The following ELOVL2 variants were observed in gnomAD, a reference collection of about 807,000 sequenced individuals.
ELOVL2 encodes ELOVL fatty acid elongase 2, also known as very long chain fatty acid elongase 2.
ELOVL2 carries 38 observed loss-of-function variants against 37.7 expected under a neutral mutation model. That is an observed-to-expected ratio of 1.01 (90% CI 0.78 to 1.32). ELOVL2 has a LOEUF of 1.32. Ranked by LOEUF, ELOVL2 falls within the 40% of genes most tolerant of loss-of-function variation. The pLI, the probability that ELOVL2 is intolerant of heterozygous loss-of-function variation, is 0.00. For missense variants in ELOVL2, 352 were observed against 363.6 expected, an observed-to-expected ratio of 0.97 and a Z score of 0.26; for synonymous variants, 115 against 122.3, an observed-to-expected ratio of 0.94 and a Z score of 0.40.
At chr6:11,016,171 C>A (rs200427011) in intron 1 of ELOVL2, among the ~76,000 whole-genome samples, 1 of 54,472 alleles carries the variant, frequency 1.8e-5, no homozygotes, top group Admixed American at 3.0e-4. Flanking sequence ...TCTTCCCCTT[C>A]TCCCTTCCTT....
At chr6:11,017,656 C>A (rs1782704983) in intron 1 of ELOVL2, among the ~76,000 whole-genome samples, 2 of 152,210 alleles carry the variant, frequency 1.3e-5, no homozygotes, top group Admixed American at 1.3e-4. Flanking sequence ...ATCTCCCCAT[C>A]ATCTCAAGGG....
intron 5 of ELOVL2, 34 bp from the exon 6 acceptor site, chr6:10,990,476 C>T: frequency 6.5e-7 from 1 of 1,538,932 alleles, no homozygotes; most frequent in Non-Finnish European, 8.7e-7. Context: ...CACTATTCTT[C>T]CAGGAAGGAC....
At chr6:11,027,871 C>T (rs1055691591) in intron 1 of ELOVL2, among the ~76,000 whole-genome samples, 13 of 152,208 alleles carry the variant, frequency 8.5e-5, no homozygotes, top group Non-Finnish European at 1.9e-4. Flanking sequence ...ACATGAGCTC[C>T]AGACTCTCAC....
chr6:10,997,958 C>T (rs1182927486), intron 4 of ELOVL2, among the ~76,000 whole-genome samples: 2 of 151,982 alleles, frequency 1.3e-5, no homozygotes, highest in African/African-American at 4.8e-5. Flanking sequence ...TCCCCAATGT[C>T]GGAGGTGGGG....
intron 2 of ELOVL2, among the ~76,000 whole-genome samples, chr6:11,008,624 C>T (rs1250026750): frequency 6.6e-6 from 1 of 151,978 alleles, no homozygotes; most frequent in Non-Finnish European, 1.5e-5. Context: ...GAGGGTCATG[C>T]CCTCTACACT....
chr6:11,042,045 C>CA (rs141071901), intron 1 of ELOVL2, among the ~76,000 whole-genome samples: 9,378 of 152,044 alleles, frequency 0.062, 880 homozygotes, highest in African/African-American at 0.2. Flanking sequence ...CATGGTGGCT[C>CA]ATGCCTTGTA....
intron 1 of ELOVL2, among the ~76,000 whole-genome samples, chr6:11,034,819 A>G (rs1422964345): frequency 1.3e-5 from 2 of 152,118 alleles, no homozygotes; most frequent in Non-Finnish European, 2.9e-5. Context: ...CCTGGCCAAC[A>G]TGGTGAAACC....
chr6:11,001,591 G>T (rs956405123), intron 3 of ELOVL2, among the ~76,000 whole-genome samples: 1 of 152,172 alleles, frequency 6.6e-6, no homozygotes, highest in Non-Finnish European at 1.5e-5. Flanking sequence ...TCTCTACTCC[G>T]CAATTAATAC....
Position 11,003,956 on chromosome 6 carries a change from G to A in ELOVL2, c.255+1416C>T, listed in dbSNP as rs1270015739. On this transcript the variant is annotated intron_variant, in intron 3 of 7. Transcript: ENST00000354666. ...AAATTAGCCAGGATTGGTGGTGGGTGCCTGTAATCCCAGCCACTCGTGAGG... is the reference window on the plus strand; with the variant it reads ...AAATTAGCCAGGATTGGTGGTGGGTACCTGTAATCCCAGCCACTCGTGAGG... Among the ~76,000 whole-genome samples, 6 of 152,000 alleles carry A rather than the reference G, an allele frequency of 3.9e-5. No individual in the cohort carries two copies. In the South Asian group the frequency reaches 1.2e-3, roughly 32 times the overall value.
intron 4 of ELOVL2, among the ~76,000 whole-genome samples, chr6:10,999,671 G>A (rs970573344): frequency 1.3e-5 from 2 of 152,136 alleles, no homozygotes; most frequent in African/African-American, 4.8e-5. Flanking sequence ...ACCATGCCCG[G>A]CAGAAACACT....
At chr6:11,042,801 C>G (rs1039194227) in intron 1 of ELOVL2, among the ~76,000 whole-genome samples, 2 of 152,082 alleles carry the variant, frequency 1.3e-5, no homozygotes, top group Non-Finnish European at 2.9e-5. Context: ...TGCAGTTACT[C>G]CCCACCTGTG....
chr6:11,030,368 C>T (rs7744415), intron 1 of ELOVL2, among the ~76,000 whole-genome samples: 2 of 152,018 alleles, frequency 1.3e-5, no homozygotes, highest in Non-Finnish European at 2.9e-5. Flanking sequence ...CAATGCAGAT[C>T]CCAGATCCTT....
At chr6:11,011,966 T>C (rs957078428) in intron 1 of ELOVL2, among the ~76,000 whole-genome samples, 3 of 152,190 alleles carry the variant, frequency 2.0e-5, no homozygotes, top group East Asian at 1.9e-4. Flanking sequence ...GAAGTTGATA[T>C]GGAGCATGCA....
At chr6:11,020,239 G>A (rs1197169096) in intron 1 of ELOVL2, among the ~76,000 whole-genome samples, 2 of 152,084 alleles carry the variant, frequency 1.3e-5, no homozygotes, top group African/African-American at 4.8e-5. Flanking sequence ...TGAAATAAAA[G>A]GTGAGAGAAA....
chr6:11,040,822 C>A (rs1183424425), intron 1 of ELOVL2, among the ~76,000 whole-genome samples: 1 of 152,150 alleles, frequency 6.6e-6, no homozygotes, highest in African/African-American at 2.4e-5. Context: ...ATATTATCAT[C>A]TTTTACAGGA....
intron 5 of ELOVL2, among the ~76,000 whole-genome samples, chr6:10,990,674 C>CA (rs1554110758): frequency 1.5e-4 from 6 of 40,118 alleles, no homozygotes; most frequent in African/African-American, 4.0e-4. Flanking sequence ...AATGCCCCCC[C>CA]CCCGCCACAC....
intron 1 of ELOVL2, among the ~76,000 whole-genome samples, chr6:11,019,305 AT>A (rs989070113): frequency 2.0e-5 from 3 of 152,260 alleles, no homozygotes; most frequent in East Asian, 1.9e-4. Context: ...AAATATAGAC[AT>A]TTTTTCCCTC....
chr6:11,018,751 T>A (rs958636704), intron 1 of ELOVL2, among the ~76,000 whole-genome samples: 2 of 152,240 alleles, frequency 1.3e-5, no homozygotes, highest in Non-Finnish European at 2.9e-5. Flanking sequence ...GATTTTTTGA[T>A]GTGTTTCTAT....
chr6:10,990,818 A>G (rs1459996697), intron 5 of ELOVL2, among the ~76,000 whole-genome samples: 1 of 152,230 alleles, frequency 6.6e-6, no homozygotes, highest in East Asian at 1.9e-4. Context: ...TTTGCTTTTT[A>G]GCTAAACCTT....
Sources: allele counts gnomAD v4.1 joint callset (sites outside exome capture counted in the v4.1 genomes callset), GRCh38; gene constraint gnomAD v4.1.1; transcripts MANE v1.5; gene names NCBI Gene and HGNC (gene_info 2026-07-23, HGNC 2026-07-21).